The following SLC12A3 variants were observed in gnomAD, a reference collection of about 807,000 sequenced individuals.
SLC12A3 encodes the protein solute carrier family 12 member 3, also known as Na-Cl cotransporter.
Under a neutral mutation model 121.0 loss-of-function variants are expected in SLC12A3, and 104 were observed. That is an observed-to-expected ratio of 0.86 (90% CI 0.73 to 1.01). The LOEUF is 1.01. Ranked by LOEUF, SLC12A3 falls within the 50% of genes least tolerant of loss-of-function variation. The pLI is 0.00. For missense variants in SLC12A3, 1,328 were observed against 1,356.3 expected, an observed-to-expected ratio of 0.98 and a Z score of 0.33; for synonymous variants, 536 against 533.4, an observed-to-expected ratio of 1.00 and a Z score of -0.07.
rs2055072815 is a variant in SLC12A3 at position 56,870,164 on chromosome 16, GCT to G, written c.671_672del (p.Ala224ValfsTer34). On this transcript the variant is annotated frameshift_variant, in exon 5 of 26. Coordinates refer to ENST00000563236, the MANE Select transcript of SLC12A3 (RefSeq NM_001126108.2). LOFTEE classifies it high-confidence loss of function. ...ELGGSIGLIF[A>X]FANAVGVAMH... Reference sequence around the variant, plus strand: ...TGGGGGCTCCATCGGCCTCATTTTCGCTTTCGCCAATGCCGTGGGTGTGGCCA... The same window carrying G: ...TGGGGGCTCCATCGGCCTCATTTTCGTTCGCCAATGCCGTGGGTGTGGCCA... The G allele has an allele frequency of 6.2e-7, 1 of 1,614,046 alleles. No homozygotes were observed. Among genetic ancestry groups the G allele is most frequent in the Admixed American group, 1.7e-5 (1 of 60,032 alleles).
intron 20 of SLC12A3, 54 bp downstream of exon 20, chr16:56,892,187 GCA>G: frequency 6.3e-7 from 1 of 1,579,584 alleles, no homozygotes; most frequent in African/African-American, 1.3e-5. Context: ...AGAGCTCAGG[GCA>G]CTCTAGCCCT....
chr16:56,875,058 G>A (rs1348946941), intron 8 of SLC12A3, among the ~76,000 whole-genome samples: 1 of 152,204 alleles, frequency 6.6e-6, no homozygotes, highest in African/African-American at 2.4e-5. Context: ...CGTTGCCTGG[G>A]AATTTATCTC....
chr16:56,870,868 C>T, intron 6 of SLC12A3, 132 bp downstream of exon 6: 2 of 614,600 alleles, frequency 3.3e-6, no homozygotes, highest in South Asian at 3.9e-5. Context: ...CAGAATCTCG[C>T]TCGATGTCCA....
intron 22 of SLC12A3, among the ~76,000 whole-genome samples, chr16:56,898,224 G>A (rs1343351012): frequency 1.3e-5 from 2 of 151,912 alleles, no homozygotes; most frequent in African/African-American, 4.8e-5. Context: ...GAGGGCCCAG[G>A]CAGGTGTATT....
At chr16:56,887,420 T>C (rs1221484410) in intron 17 of SLC12A3, among the ~76,000 whole-genome samples, 4 of 152,088 alleles carry the variant, frequency 2.6e-5, no homozygotes, top group Non-Finnish European at 5.9e-5. Flanking sequence ...TTGGCCAGGC[T>C]GGTCTCTAAC....
At chr16:56,899,461 C>A in intron 22 of SLC12A3, 69 bp from the exon 23 acceptor site, 1 of 1,239,402 alleles carries the variant, frequency 8.1e-7, no homozygotes, top group Non-Finnish European at 1.2e-6. Context: ...TGCACTCCAG[C>A]CTGGGAGACA....
At chr16:56,867,664 G>C (rs766161561) in intron 2 of SLC12A3, among the ~76,000 whole-genome samples, 14 of 152,202 alleles carry the variant, frequency 9.2e-5, no homozygotes, top group Non-Finnish European at 1.8e-4. Flanking sequence ...CCAACTGGCT[G>C]TGCCTCCGTT....
At position 56,887,953 on chromosome 16, in the gene SLC12A3, A is replaced by T. The variant is rs1424832490; in HGVS notation, c.2207A>T (p.Asn736Ile). The change falls in exon 18 of 26, where the codon AAC becomes ATC. Residue 736 changes from asparagine to isoleucine, a missense_variant. Transcript: ENST00000563236. ...GCAGGTCTCGGGAGAATGAAGCCCA[A>T]CATTCTGGTGGTTGGGTTCAAGAAG... is the stretch of plus-strand genomic sequence containing the variant. ...QAAGLGRMKP[N>I]ILVVGFKKNW... 6.2e-7 allele frequency: 1 copy of T among 1,613,244 alleles called. No individual in the cohort carries two copies.
chr16:56,872,285 C>A, intron 6 of SLC12A3, 66 bp from the exon 7 acceptor site: 1 of 1,128,982 alleles, frequency 8.9e-7, no homozygotes, highest in Non-Finnish European at 1.3e-6. Flanking sequence ...AAATCATTTT[C>A]TGGCGGGGCT....
intron 22 of SLC12A3, 133 bp downstream of exon 22, chr16:56,894,775 G>A (rs2055439895): frequency 1.4e-6 from 1 of 699,172 alleles, no homozygotes; most frequent in Non-Finnish European, 2.6e-6. Context: ...AAAGCCCAGG[G>A]CCAGCTCTCT....
intron 8 of SLC12A3, among the ~76,000 whole-genome samples, chr16:56,877,565 C>T (rs1031740540): frequency 1.3e-5 from 2 of 152,078 alleles, no homozygotes; most frequent in Non-Finnish European, 2.9e-5. Context: ...TGAGGGCTGG[C>T]GGGGAGGGGA....
chr16:56,871,546 T>G (rs12597428), intron 6 of SLC12A3, among the ~76,000 whole-genome samples: 128,748 of 152,096 alleles, frequency 0.85, 55,032 homozygotes, highest in East Asian at 0.99. Flanking sequence ...TCAGAGGGTG[T>G]CCTCCTTGCT....
intron 12 of SLC12A3, 60 bp downstream of exon 12, chr16:56,880,313 G>T (rs1311022015): frequency 5.9e-6 from 9 of 1,537,446 alleles, no homozygotes; most frequent in Non-Finnish European, 7.9e-6. Context: ...GGCCATGAGG[G>T]TCTTGGGGGC....
In SLC12A3 at chr16:56,872,424, C is replaced by A. The variant is rs771039124; in HGVS notation, c.926C>A (p.Ser309Tyr). The A allele has an allele frequency of 5.6e-6, 9 of 1,614,164 alleles. No homozygotes were observed. Among genetic ancestry groups the A allele is most frequent in the Non-Finnish European group, 7.6e-6 (9 of 1,180,028 alleles). The change falls in exon 7 of 26, where the codon TCT becomes TAT. Residue 309 changes from serine (S) to tyrosine (Y), a missense_variant. Ser to Tyr is a moderately radical substitution (Grantham distance 144, BLOSUM62 -2). Coordinates refer to ENST00000563236, the MANE Select transcript of SLC12A3 (RefSeq NM_001126108.2). ...TTAGTGGGGACGCTGATCCCCCCAT[C>A]TGAGGACAAGGCCTCCAAAGGCTTC... ...NYLVGTLIPP[S>Y]EDKASKGFFS... is the part of the protein sequence containing the mutation.
At chr16:56,879,272 TGGA>T (rs1348519222) in intron 10 of SLC12A3, 45 bp downstream of exon 10, 1 of 1,611,286 alleles carries the variant, frequency 6.2e-7, no homozygotes, top group African/African-American at 1.3e-5. Flanking sequence ...GGGGGCTGGG[TGGA>T]GGCTGCAGGG....
intron 15 of SLC12A3, among the ~76,000 whole-genome samples, chr16:56,885,706 C>T (rs889716099): frequency 6.6e-6 from 1 of 152,194 alleles, no homozygotes; most frequent in African/African-American, 2.4e-5. Context: ...AGCTCATTCC[C>T]CTCTTTGTAG....
At chr16:56,905,790 G>T (rs1273841052) in intron 25 of SLC12A3, among the ~76,000 whole-genome samples, 1 of 152,200 alleles carries the variant, frequency 6.6e-6, no homozygotes, top group East Asian at 1.9e-4. Context: ...AAAGGAGGAG[G>T]GGGTAGGGGT....
rs576500874 is a variant in SLC12A3, at chr16:56,867,350, TAATAGATCAATAGAC to T, written c.429+142_429+156del. The T allele has an allele frequency of 3.0e-4, 277 of 914,414 alleles. 1 individual carries two copies. The African/African-American group carries it at 4.3e-3, about 14-fold the overall frequency. 56.6% of individuals were successfully genotyped at this position (914,414 alleles called of 1,614,324 possible). A position where few individuals can be genotyped will look rare whatever the true frequency, so the allele number is the denominator to read the frequency against. On this transcript the variant is annotated intron_variant, in intron 2 of 25. Coordinates refer to ENST00000563236, the MANE Select transcript of SLC12A3 (RefSeq NM_001126108.2). The stretch of plus-strand genomic sequence containing the variant: ...CATCTGTACAATGAATTCAATGAGT[TAATAGATCAATAGAC>T]AATAGATTAAAGCCTGCCGGGGAGT...
In SLC12A3 at chr16:56,904,600, A is replaced by G. The variant is rs1256944901; in HGVS notation, c.2924+138A>G. ...CAGAAGGGCCAAAGTTCCCATAAAC[A>G]TAGCCCTGGCGATTCTTAGCATGTG... On this transcript the variant is annotated intron_variant, in intron 25 of 25. Transcript: ENST00000563236. The G allele has an allele frequency of 7.3e-6, 6 of 816,460 alleles. No homozygotes were observed. In the African/African-American group the frequency reaches 1.0e-4, roughly 14 times the overall value. The allele number at this position is 816,460 out of a possible 1,614,324, so 50.6% of individuals were successfully genotyped here.
Sources: allele counts gnomAD v4.1 joint callset (sites outside exome capture counted in the v4.1 genomes callset), GRCh38; gene constraint gnomAD v4.1.1; transcripts MANE v1.5; gene names NCBI Gene and HGNC (gene_info 2026-07-23, HGNC 2026-07-21).